Variants in CFAP91 observed in about 807,000 individuals in gnomAD.
CFAP91 encodes the protein cilia and flagella associated protein 91.
A neutral mutation model predicts 95.9 loss-of-function variants in CFAP91; 85 were observed. The observed-to-expected ratio is 0.89, with a 90% CI of 0.74 to 1.06. CFAP91 has a LOEUF of 1.06. Ranked by LOEUF, CFAP91 falls within the 50% of genes least tolerant of loss-of-function variation. CFAP91 has a pLI of 0.00. For synonymous variants in CFAP91, 335 were observed against 327.5 expected, an observed-to-expected ratio of 1.02 and a Z score of -0.25; for missense variants, 962 against 943.4, an observed-to-expected ratio of 1.02 and a Z score of -0.26.
chr3:119,749,586 A>G (rs2054287143), intron 16 of CFAP91, among the ~76,000 whole-genome samples: 1 of 151,994 alleles, frequency 6.6e-6, no homozygotes, highest in Non-Finnish European at 1.5e-5. Context: ...TGAGTTGAGG[A>G]TTTGGAGGAA....
At chr3:119,747,731 C>A in intron 15 of CFAP91, 80 bp from the exon 16 acceptor site, 1 of 1,178,478 alleles carries the variant, frequency 8.5e-7, no homozygotes, top group Non-Finnish European at 1.2e-6. Context: ...AATGGAGTTG[C>A]TTACACAGCA....
intron 14 of CFAP91, 22 bp downstream of exon 14, chr3:119,744,218 T>G (rs748447342): frequency 3.2e-6 from 5 of 1,574,400 alleles, no homozygotes; most frequent in Non-Finnish European, 4.3e-6. Context: ...CAGCTGGGTG[T>G]GTGGAAGCTG....
chr3:119,703,757 C>T (rs1399941617), intron 1 of CFAP91, among the ~76,000 whole-genome samples: 3 of 152,124 alleles, frequency 2.0e-5, no homozygotes, highest in Non-Finnish European at 2.9e-5. Flanking sequence ...TTTATTTTAA[C>T]GGCTTGGTTG....
At chr3:119,761,352 T>C (rs965451604) in intron 17 of CFAP91, among the ~76,000 whole-genome samples, 15 of 151,706 alleles carry the variant, frequency 9.9e-5, no homozygotes, top group Admixed American at 3.3e-4. Flanking sequence ...AGTAAGAAGA[T>C]TGAATCAGTA....
At chr3:119,754,513 A>T (rs758808928) in intron 17 of CFAP91, among the ~76,000 whole-genome samples, 2 of 152,234 alleles carry the variant, frequency 1.3e-5, no homozygotes, top group African/African-American at 4.8e-5. Flanking sequence ...TGATAAGTGT[A>T]TGGGATCATA....
chr3:119,718,066 C>A lies in CFAP91; in HGVS notation c.682+2323C>A, dbSNP rs369469164. Among the ~76,000 whole-genome samples, 274 of 152,256 alleles carry A rather than the reference C, an allele frequency of 1.8e-3. 6 individuals are homozygous for A. The East Asian group carries it at 0.035, about 20-fold the overall frequency. ...TTGACCAGGGTGCTTATGAGAGAAA[C>A]CTGCAGCTGGTCTCCACCCAAGAAC... is the stretch of plus-strand genomic sequence containing the variant. On this transcript the variant is annotated intron_variant, in intron 6 of 17. Transcript: ENST00000273390.
In CFAP91 at chr3:119,747,267, T is replaced by A; in HGVS notation, c.2051+4T>A. On this transcript the variant is annotated splice_donor_region_variant and intron_variant, in intron 15 of 17. Coordinates refer to ENST00000273390, the MANE Select transcript of CFAP91 (RefSeq NM_033364.4). ...TTGCTTATGAAATGGAAAGCCGGTG[T>A]GTATCAAGAGAACAGATTGTAGAAT... 6.2e-7 allele frequency: 1 copy of A among 1,612,110 alleles called. No homozygotes were observed. Among genetic ancestry groups the A allele is most frequent in the South Asian group, 1.1e-5 (1 of 90,584 alleles).
intron 17 of CFAP91, among the ~76,000 whole-genome samples, chr3:119,755,566 C>G (rs2054410937): frequency 6.6e-6 from 1 of 152,182 alleles, no homozygotes; most frequent in African/African-American, 2.4e-5. Context: ...AGGTGGCCAT[C>G]TAGATGACAG....
chr3:119,703,465 T>C (rs7624768), intron 1 of CFAP91, among the ~76,000 whole-genome samples: 139,133 of 152,310 alleles, frequency 0.91, 64,851 homozygotes, highest in East Asian at 1. Flanking sequence ...GGGGGGCGAT[T>C]TTCCTGAAAC....
rs765608012 is a variant in CFAP91 at position 119,715,732 on chromosome 3, C to T, written c.671C>T (p.Thr224Met). The change falls in exon 6 of 18, where the codon ACG becomes ATG. Residue 224 changes from threonine to methionine, a missense_variant. Transcript: ENST00000273390. The part of the protein sequence containing the change: ...DSIPELLTLA[T>M]LTWGRGLPAG... ...ATCCCTGAGCTCTTGACCCTGGCTA[C>T]GCTTACTTGGGGTGAGTTGGTAAAT... is the stretch of plus-strand genomic sequence containing the variant. 60 of 1,613,718 alleles carry T rather than the reference C, an allele frequency of 3.7e-5. No homozygotes were observed. The East Asian group carries it at 6.5e-4, about 17-fold the overall frequency.
At position 119,761,234 on chromosome 3, in the gene CFAP91, T is replaced by C. The variant is rs994687833; in HGVS notation, c.*2-3818T>C. ...CAAAAGATAAGACTACTATAAACAATTATATACCAACAATTTGGACAATCT... is the reference window on the plus strand; with the variant it reads ...CAAAAGATAAGACTACTATAAACAACTATATACCAACAATTTGGACAATCT... On this transcript the variant is annotated intron_variant, in intron 17 of 17. Transcript: ENST00000273390. 2.0e-4 allele frequency among the ~76,000 whole-genome samples: 30 copies of C among 151,720 alleles called. 1 individual carries two copies. Among genetic ancestry groups the C allele is most frequent in the African/African-American group, 6.5e-4 (27 of 41,380 alleles).
intron 4 of CFAP91, among the ~76,000 whole-genome samples, chr3:119,709,179 CA>C (rs1171488242): frequency 6.6e-6 from 1 of 152,110 alleles, no homozygotes; most frequent in Non-Finnish European, 1.5e-5. Context: ...ATGTAATAAC[CA>C]TATACTCAAA....
chr3:119,744,839 A>G (rs939437152), intron 14 of CFAP91, among the ~76,000 whole-genome samples: 1 of 152,206 alleles, frequency 6.6e-6, no homozygotes, highest in South Asian at 2.1e-4. Flanking sequence ...CTAGCCTCCT[A>G]CTAATCTCAA....
At chr3:119,711,308 C>G (rs1186599702) in intron 5 of CFAP91, among the ~76,000 whole-genome samples, 1 of 152,124 alleles carries the variant, frequency 6.6e-6, no homozygotes, top group Non-Finnish European at 1.5e-5. Flanking sequence ...CCAGAAATAG[C>G]TGTAGACTTA....
intron 13 of CFAP91, among the ~76,000 whole-genome samples, chr3:119,741,954 T>C (rs2054129099): frequency 6.6e-6 from 1 of 152,056 alleles, no homozygotes; most frequent in South Asian, 2.1e-4. Flanking sequence ...AAGAGGAGAA[T>C]GTCAACACTG....
Position 119,766,555 on chromosome 3 carries a change from G to A in CFAP91, c.*1505G>A, listed in dbSNP as rs2054631616. The A allele has an allele frequency of 6.6e-6, 1 of 152,092 alleles. No individual in the cohort carries two copies. The highest frequency in any genetic ancestry group is 1.5e-5 in the Non-Finnish European group (1 of 68,028). The allele number at this position is 152,092 out of a possible 1,614,324, so 9.4% of individuals were successfully genotyped here. On this transcript the variant is annotated 3_prime_UTR_variant, in exon 18 of 18. Coordinates refer to ENST00000273390, the MANE Select transcript of CFAP91 (RefSeq NM_033364.4). ...AGAACACAAAATGACAAGTGAGTTA[G>A]GTTGGGCTGATGGGATAGAAGGTGG...
At chr3:119,720,111 G>A (rs866171882) in intron 6 of CFAP91, among the ~76,000 whole-genome samples, 10 of 150,402 alleles carry the variant, frequency 6.6e-5, no homozygotes, top group African/African-American at 9.8e-5. Context: ...CTTAGGGGCC[G>A]GACGCGGTGG....
chr3:119,716,205 A>C (rs905783450), intron 6 of CFAP91, among the ~76,000 whole-genome samples: 1 of 152,256 alleles, frequency 6.6e-6, no homozygotes, highest in Non-Finnish European at 1.5e-5. Flanking sequence ...ACTTGACATT[A>C]TCTCTGAAAT....
chr3:119,745,822 A>G (rs910022440), intron 14 of CFAP91, among the ~76,000 whole-genome samples: 4 of 152,240 alleles, frequency 2.6e-5, no homozygotes, highest in African/African-American at 9.6e-5. Context: ...AGACTCTCCC[A>G]TAGAGAAGGC....
Sources: gnomAD v4.1 joint callset for allele counts (sites outside exome capture counted in the v4.1 genomes callset) on GRCh38, gnomAD v4.1.1 for gene constraint, MANE v1.5 for transcripts, NCBI Gene and HGNC (gene_info 2026-07-23, HGNC 2026-07-21) for gene names.